Variants in HERC1 observed in about 807,000 individuals in gnomAD.
The protein encoded by HERC1 is HECT and RLD domain containing E3 ubiquitin protein ligase family member 1, also known as probable E3 ubiquitin-protein ligase HERC1.
In HERC1, 160 loss-of-function variants were observed where a neutral mutation model predicts 554.3. That is an observed-to-expected ratio of 0.29 (90% confidence interval 0.25 to 0.33). The LOEUF is 0.33. Among genes scored for constraint, HERC1 ranks in the 10% least tolerant of loss-of-function variants. HERC1 has a pLI of 1.00. For missense variants in HERC1, 4,919 were observed against 5,918.5 expected (o/e 0.83, Z 5.54); for synonymous variants, 2,175 against 2,131.7 (o/e 1.02, Z -0.56).
chr15:63,698,912 T>A lies in HERC1; in HGVS notation c.4721A>T (p.Tyr1574Phe), dbSNP rs564661124. Residue 1574 changes from tyrosine to phenylalanine, a missense_variant, in exon 26 of 78, where the codon TAT (tyrosine) becomes TTT (phenylalanine). Transcript: ENST00000443617. ...AAGATCAAAATCTGACTCAAAGGAA[T>A]AGGAGGAGTTGCATAACCAGTCTCT... ...HSRDWLCNSS[Y>F]SFESDFDLTK... The A allele has an allele frequency of 6.2e-7, 1 of 1,613,770 alleles. No homozygotes were observed. The highest frequency in any genetic ancestry group is 2.2e-5 in the East Asian group (1 of 44,882).
At chr15:63,616,847 C>T (rs1052365307) in intron 74 of HERC1, 165 bp from the exon 75 acceptor site, 11 of 638,530 alleles carry the variant, frequency 1.7e-5, no homozygotes, top group Admixed American at 5.9e-5. Flanking sequence ...TTCAGTTCTT[C>T]GGCTTCCCTA....
chr15:63,797,044 A>G (rs907425097), intron 1 of HERC1, among the ~76,000 whole-genome samples: 1 of 152,200 alleles, frequency 6.6e-6, no homozygotes, highest in Non-Finnish European at 1.5e-5. Flanking sequence ...GGAGGGGGCC[A>G]TTCAGATGGT....
At chr15:63,747,955 G>A (rs1236933577) in intron 10 of HERC1, 97 bp from the exon 11 acceptor site, 4 of 1,221,298 alleles carry the variant, frequency 3.3e-6, no homozygotes, top group Non-Finnish European at 2.3e-6. Context: ...GCTGGGCACG[G>A]TGGCTCATGC....
intron 68 of HERC1, among the ~76,000 whole-genome samples, chr15:63,631,190 C>T (rs1238634243): frequency 6.6e-6 from 1 of 152,160 alleles, no homozygotes; most frequent in Non-Finnish European, 1.5e-5. Context: ...TTCAACTTGT[C>T]TTGTCCTCAA....
At position 63,727,013 on chromosome 15, in the gene HERC1, C is replaced by T. The variant is rs1189227764; in HGVS notation, c.3346+634G>A. On this transcript the variant is annotated intron_variant, in intron 17 of 77. Coordinates refer to ENST00000443617, the MANE Select transcript of HERC1 (RefSeq NM_003922.4). The surrounding 1 kb of genome is among the most constrained non-coding windows in gnomAD (Gnocchi z 4.3). ...AATAAACTGGCCAGGGGCGGTGGCT[C>T]CCGTCTGTAATCCCAGCATTTTGGG... Among the ~76,000 whole-genome samples the T allele has an allele frequency of 6.6e-6, 1 of 152,140 alleles. No individual in the cohort carries two copies. Among genetic ancestry groups the T allele is most frequent in the African/African-American group, 2.4e-5 (1 of 41,436 alleles).
intron 1 of HERC1, among the ~76,000 whole-genome samples, chr15:63,802,346 G>T (rs1204980724): frequency 6.6e-6 from 1 of 152,196 alleles, no homozygotes; most frequent in African/African-American, 2.4e-5. Flanking sequence ...GAAAAGATTT[G>T]CTGAGTTTGC....
chr15:63,656,400 G>A, intron 48 of HERC1, 42 bp from the exon 49 acceptor site: 3 of 1,563,066 alleles, frequency 1.9e-6, no homozygotes, highest in Non-Finnish European at 8.7e-7. Context: ...AAAGAAAATG[G>A]ATTTCTTAAG....
rs2076073238 is a variant in HERC1, at chr15:63,774,905, T to C, written c.719A>G (p.Asp240Gly). The C allele has an allele frequency of 6.2e-7, 1 of 1,613,892 alleles. No homozygotes were observed. Among genetic ancestry groups the C allele is most frequent in the South Asian group, 1.1e-5 (1 of 91,088 alleles). Residue 240 changes from aspartate (D) to glycine (G), a missense_variant, in exon 2 of 78, where the codon GAC becomes GGC. Transcript: ENST00000443617. ...AGAAGCTAATCTACGACCTAAAGTGTCTGCCCCAGAATTAGGAATAGTGAC... is the reference window on the plus strand; with the variant it reads ...AGAAGCTAATCTACGACCTAAAGTGCCTGCCCCAGAATTAGGAATAGTGAC... ...KGVTIPNSGADTLGRRLASEL... is the reference protein window; with the variant it reads ...KGVTIPNSGAGTLGRRLASEL...
intron 7 of HERC1, among the ~76,000 whole-genome samples, chr15:63,753,786 T>C (rs1447693817): frequency 6.6e-6 from 1 of 152,112 alleles, no homozygotes; most frequent in East Asian, 1.9e-4. Flanking sequence ...TACTCAACAA[T>C]AAGAAACTGG....
chr15:63,785,402 G>A (rs2076408394), intron 1 of HERC1, among the ~76,000 whole-genome samples: 1 of 152,004 alleles, frequency 6.6e-6, no homozygotes, highest in Admixed American at 6.6e-5. Flanking sequence ...TGGGCAATAA[G>A]GTGAGACAAA....
chr15:63,635,710 A>C (rs1263922441), intron 65 of HERC1, among the ~76,000 whole-genome samples: 5 of 152,212 alleles, frequency 3.3e-5, no homozygotes, highest in Non-Finnish European at 1.5e-5. Flanking sequence ...GCAGCACCCT[A>C]GTCTGGGCCA....
chr15:63,638,572 C>A (rs1453391826), intron 62 of HERC1, 36 bp from the exon 63 acceptor site: 1 of 1,613,426 alleles, frequency 6.2e-7, no homozygotes, highest in Non-Finnish European at 8.5e-7. Flanking sequence ...TTAGAGTCAT[C>A]CATTCACTCA....
Position 63,789,252 on chromosome 15 carries a change from G to T in HERC1, c.-26-13603C>A, listed in dbSNP as rs558794620. Among the ~76,000 whole-genome samples, 368 of 148,790 alleles carry T rather than the reference G, an allele frequency of 2.5e-3. 1 individual carries two copies. Among genetic ancestry groups the T allele is most frequent in the Middle Eastern group, 0.01 (3 of 292 alleles). On this transcript the variant is annotated intron_variant, in intron 1 of 77. Coordinates refer to ENST00000443617, the MANE Select transcript of HERC1 (RefSeq NM_003922.4). ...ACTACAGGCGCCCGCCACTACGCCC[G>T]GCTAATTTTTTGTATTTTTAGTAGA...
In HERC1 at chr15:63,658,566, C is replaced by A; in HGVS notation, c.9577G>T (p.Ala3193Ser). 6.2e-7 allele frequency: 1 copy of A among 1,612,762 alleles called. No homozygotes were observed. The highest frequency in any genetic ancestry group is 8.5e-7 in the Non-Finnish European group (1 of 1,179,102). The change falls in exon 48 of 78, where the codon GCG (alanine) becomes TCG (serine). Residue 3193 changes from alanine (A) to serine (S), a missense_variant. By Grantham distance (99) the Ala-to-Ser change is moderately conservative (BLOSUM62 1). Around this residue, in one of 11 missense-constraint regions of HERC1, gnomAD observed 1,963 missense variants for 2,228.6 expected, o/e 0.88. Coordinates refer to ENST00000443617, the MANE Select transcript of HERC1 (RefSeq NM_003922.4). ...VLLARTMVMR[A>S]LSLLSVSGSS... ...TACCTGACTGAGAGAAGAGACAGCG[C>A]TCTCATGACCATGGTTCTGGCCAGA...
At chr15:63,746,046 C>T (rs966379130) in intron 12 of HERC1, among the ~76,000 whole-genome samples, 3 of 152,024 alleles carry the variant, frequency 2.0e-5, no homozygotes, top group African/African-American at 7.2e-5. Flanking sequence ...CTCTAATCTA[C>T]ATTAGTTCCT....
chr15:63,715,265 T>C (rs1431213882), intron 22 of HERC1, among the ~76,000 whole-genome samples: 1 of 152,252 alleles, frequency 6.6e-6, no homozygotes, highest in Admixed American at 6.5e-5. Context: ...ATAGATGCTC[T>C]AAAAGCATAG....
chr15:63,685,614 T>C (rs902461404), intron 34 of HERC1, among the ~76,000 whole-genome samples: 1 of 152,222 alleles, frequency 6.6e-6, no homozygotes, highest in African/African-American at 2.4e-5. Context: ...ACTGGCTAAG[T>C]CTAGGACCCC....
chr15:63,643,389 A>T lies in HERC1; in HGVS notation c.11331+15T>A. 2 of 1,597,058 alleles carry T rather than the reference A, an allele frequency of 1.3e-6. No homozygotes were observed. The highest frequency in any genetic ancestry group is 2.3e-5 in the South Asian group (2 of 87,204). ...AAAATATTCCTTAACATAAAAATAA[A>T]ATCTATGCTCTTACCCTTAAAGACC... is the stretch of plus-strand genomic sequence containing the variant. On this transcript the variant is annotated intron_variant, in intron 58 of 77. Coordinates refer to ENST00000443617, the MANE Select transcript of HERC1 (RefSeq NM_003922.4).
chr15:63,723,735 C>G (rs776748844), intron 18 of HERC1, among the ~76,000 whole-genome samples: 5 of 152,164 alleles, frequency 3.3e-5, no homozygotes, highest in Non-Finnish European at 7.3e-5. Flanking sequence ...ATGATATCCT[C>G]TTTGAGAAAC....
Sources: gnomAD v4.1 joint callset for allele counts (sites outside exome capture counted in the v4.1 genomes callset) on GRCh38, gnomAD v4.1.1 for gene constraint, gnomAD v4.1.1 regional missense constraint, Gnocchi (gnomAD v3.1) non-coding constraint, MANE v1.5 for transcripts, NCBI Gene and HGNC (gene_info 2026-07-23, HGNC 2026-07-21) for gene names.